The following DEFB130A variants were observed in gnomAD, a reference collection of about 807,000 sequenced individuals.
DEFB130A encodes the protein beta-defensin 130A.
At chr8:12,311,605 TG>T (rs1202971065) in intron 1 of DEFB130A, among the ~76,000 whole-genome samples, 2 of 46,664 alleles carry the variant, frequency 4.3e-5, no homozygotes, top group Non-Finnish European at 6.8e-5. Flanking sequence ...AAATGGTTCA[TG>T]TGCATATCTT....
chr8:12,316,748 A>C (rs1809549062), intron 1 of DEFB130A, among the ~76,000 whole-genome samples: 1 of 144,634 alleles, frequency 6.9e-6, no homozygotes, highest in Non-Finnish European at 1.5e-5. Flanking sequence ...GAGCAATGCA[A>C]ATCAAAACCA....
At chr8:12,315,037 AC>A (rs1809499477) in intron 1 of DEFB130A, among the ~76,000 whole-genome samples, 1 of 126,014 alleles carries the variant, frequency 7.9e-6, no homozygotes, top group African/African-American at 2.9e-5. Context: ...GCATATCTCC[AC>A]CTATGGATTG....
intron 1 of DEFB130A, among the ~76,000 whole-genome samples, chr8:12,311,741 GGATAGATA>G (rs1277347699): frequency 9.5e-6 from 1 of 105,156 alleles, no homozygotes; most frequent in Non-Finnish European, 1.9e-5. Flanking sequence ...GTGGAGGAAT[GGATAGATA>G]GATAGATAGA....
rs575851615 is a variant in DEFB130A, at chr8:12,311,807, A to T, written c.59-664T>A. 7.0e-5 allele frequency among the ~76,000 whole-genome samples: 8 copies of T among 114,350 alleles called. No individual in the cohort carries two copies. In the South Asian group the frequency reaches 2.8e-3, roughly 40 times the overall value. 75.0% of individuals were successfully genotyped at this position (114,350 alleles called of 152,430 possible). A position where few individuals can be genotyped will look rare whatever the true frequency, so the allele number is the denominator to read the frequency against. The stretch of plus-strand genomic sequence containing the variant: ...CCTGCAGAGAATTACTCACAGAGCT[A>T]AAAGGTATTTTCCCTTAAGTGTATC... On this transcript the variant is annotated intron_variant, in intron 1 of 1. Coordinates refer to ENST00000400079, the MANE Select transcript of DEFB130A (RefSeq NM_001037804.1).
At chr8:12,316,799 A>G (rs1421250650) in intron 1 of DEFB130A, among the ~76,000 whole-genome samples, 1 of 149,600 alleles carries the variant, frequency 6.7e-6, no homozygotes, top group Admixed American at 6.6e-5. Flanking sequence ...GGCTATTATT[A>G]AAAAGTTAAA....
intron 1 of DEFB130A, among the ~76,000 whole-genome samples, chr8:12,317,156 C>G (rs1239854436): frequency 2.5e-5 from 2 of 79,680 alleles, no homozygotes; most frequent in East Asian, 9.9e-4. Flanking sequence ...CATGGATGAG[C>G]TGGAGGACTG....
In DEFB130A at chr8:12,317,307, C is replaced by T. The variant is rs1175694632; in HGVS notation, c.58+952G>A. ...AGGGAGGAAAACAAGGATTGAAAAA[C>T]TATTTGGTACTATGCTCACTACATG... On this transcript the variant is annotated intron_variant, in intron 1 of 1. Coordinates refer to ENST00000400079, the MANE Select transcript of DEFB130A (RefSeq NM_001037804.1). Among the ~76,000 whole-genome samples the T allele has an allele frequency of 1.4e-5, 2 of 138,516 alleles. 1 individual carries two copies. Among genetic ancestry groups the T allele is most frequent in the African/African-American group, 5.9e-5 (2 of 33,770 alleles). 90.9% of individuals were successfully genotyped at this position (138,516 alleles called of 152,430 possible).
chr8:12,317,355 C>G (rs1202103121), intron 1 of DEFB130A, among the ~76,000 whole-genome samples: 14 of 94,726 alleles, frequency 1.5e-4, no homozygotes, highest in Non-Finnish European at 2.0e-5. Context: ...ACCATCATGC[C>G]CCAAACCTCA....
intron 1 of DEFB130A, among the ~76,000 whole-genome samples, chr8:12,311,899 G>T (rs1194837739): frequency 1.2e-5 from 1 of 85,218 alleles, no homozygotes; most frequent in African/African-American, 3.3e-5. Context: ...TAATTCAGTA[G>T]TTTTCTCTAT....
chr8:12,311,930 C>A lies in DEFB130A; in HGVS notation c.59-787G>T, dbSNP rs1438198723. On this transcript the variant is annotated intron_variant, in intron 1 of 1. Coordinates refer to ENST00000400079, the MANE Select transcript of DEFB130A (RefSeq NM_001037804.1). ...TCTATGCTTACTATCCTTTCTCTTG[C>A]CTTCTCAGCACAACCATAGTTTATT... 6.3e-5 allele frequency among the ~76,000 whole-genome samples: 5 copies of A among 79,804 alleles called. 1 individual carries two copies. The highest frequency in any genetic ancestry group is 1.8e-4 in the African/African-American group (5 of 27,550). The allele number at this position is 79,804 out of a possible 152,430, so 52.4% of individuals were successfully genotyped here.
Position 12,311,915 on chromosome 8 carries a change from C to T in DEFB130A, c.59-772G>A, listed in dbSNP as rs1809460831. Among the ~76,000 whole-genome samples, 2 of 83,014 alleles carry T rather than the reference C, an allele frequency of 2.4e-5. 1 individual carries two copies. The highest frequency in any genetic ancestry group is 6.9e-5 in the African/African-American group (2 of 28,958). The allele number at this position is 83,014 out of a possible 152,430, so 54.5% of individuals were successfully genotyped here. ...AATTCAGTAGTTTTCTCTATGCTTACTATCCTTTCTCTTGCCTTCTCAGCA... is the reference window on the plus strand; with the variant it reads ...AATTCAGTAGTTTTCTCTATGCTTATTATCCTTTCTCTTGCCTTCTCAGCA... On this transcript the variant is annotated intron_variant, in intron 1 of 1. Coordinates refer to ENST00000400079, the MANE Select transcript of DEFB130A (RefSeq NM_001037804.1).
intron 1 of DEFB130A, among the ~76,000 whole-genome samples, chr8:12,316,785 G>C (rs921916629): frequency 2.0e-5 from 3 of 148,898 alleles, no homozygotes; most frequent in Non-Finnish European, 4.4e-5. Flanking sequence ...ACACCAGTGA[G>C]AATGGCTATT....
At chr8:12,311,833 C>A (rs1809458573) in intron 1 of DEFB130A, among the ~76,000 whole-genome samples, 1 of 112,594 alleles carries the variant, frequency 8.9e-6, no homozygotes, top group Admixed American at 1.1e-4. Flanking sequence ...TAAGTGTATC[C>A]ACATGTTCTC....
intron 1 of DEFB130A, among the ~76,000 whole-genome samples, chr8:12,316,790 G>A (rs2150811258): frequency 6.7e-6 from 1 of 149,230 alleles, no homozygotes; most frequent in Non-Finnish European, 1.5e-5. Flanking sequence ...AGTGAGAATG[G>A]CTATTATTAA....
chr8:12,311,808 A>T (rs974521840), intron 1 of DEFB130A, among the ~76,000 whole-genome samples: 6 of 114,096 alleles, frequency 5.3e-5, no homozygotes, highest in Non-Finnish European at 1.1e-4. Flanking sequence ...CACAGAGCTA[A>T]AAGGTATTTT....
chr8:12,317,308 T>C (rs972096818), intron 1 of DEFB130A, among the ~76,000 whole-genome samples: 8 of 138,418 alleles, frequency 5.8e-5, no homozygotes, highest in Non-Finnish European at 1.1e-4. Flanking sequence ...ATTGAAAAAC[T>C]ATTTGGTACT....
At chr8:12,316,788 T>C (rs1377041828) in intron 1 of DEFB130A, among the ~76,000 whole-genome samples, 3 of 149,116 alleles carry the variant, frequency 2.0e-5, no homozygotes, top group Non-Finnish European at 4.4e-5. Context: ...CCAGTGAGAA[T>C]GGCTATTATT....
In DEFB130A at chr8:12,316,003, C is replaced by G. The variant is rs1199382578; in HGVS notation, c.58+2256G>C. ...ACTCATATGAAACCATAAAAGAACT[C>G]AGACAACCAAACTAATCCTAAGCAA... is the stretch of plus-strand genomic sequence containing the variant. On this transcript the variant is annotated intron_variant, in intron 1 of 1. Coordinates refer to ENST00000400079, the MANE Select transcript of DEFB130A (RefSeq NM_001037804.1). Among the ~76,000 whole-genome samples the G allele has an allele frequency of 4.0e-5, 2 of 50,294 alleles. 1 individual carries two copies. The highest frequency in any genetic ancestry group is 6.3e-5 in the Non-Finnish European group (2 of 31,874). The allele number at this position is 50,294 out of a possible 152,430, so 33.0% of individuals were successfully genotyped here. A position where few individuals can be genotyped will look rare whatever the true frequency, so the allele number is the denominator to read the frequency against.
chr8:12,315,328 CATA>C (rs1465518045), intron 1 of DEFB130A, among the ~76,000 whole-genome samples: 1 of 87,882 alleles, frequency 1.1e-5, no homozygotes, highest in African/African-American at 3.1e-5. Context: ...AGGAGGCAAT[CATA>C]TGTGAGGTGG....
Sources: gnomAD v4.1 joint callset for allele counts (sites outside exome capture counted in the v4.1 genomes callset) on GRCh38, gnomAD v4.1.1 for gene constraint, MANE v1.5 for transcripts, NCBI Gene and HGNC (gene_info 2026-07-23, HGNC 2026-07-21) for gene names.